The following C8B variants were observed in gnomAD, a reference collection of about 807,000 sequenced individuals.
The protein encoded by C8B is complement C8 beta chain, also known as complement component C8 beta chain.
Under a neutral mutation model 64.6 loss-of-function variants are expected in C8B, and 67 were observed. That is an observed-to-expected ratio of 1.04 (90% confidence interval 0.85 to 1.27). The LOEUF (loss-of-function observed/expected upper bound fraction) is 1.27. Among genes scored for constraint, C8B ranks in the 50% most tolerant of loss-of-function variants. The probability of loss-of-function intolerance (pLI) is 0.00; values close to 1 mark genes in which losing one functional copy is unlikely to be tolerated. For synonymous variants in C8B, 284 were observed against 257.7 expected (o/e 1.10, Z -0.98); for missense variants, 790 against 725.2 (o/e 1.09, Z -1.03).
In C8B at chr1:56,959,977, A is replaced by G. The variant is rs775430507; in HGVS notation, c.249+43T>C. The G allele has an allele frequency of 2.5e-6, 4 of 1,611,728 alleles. No individual in the cohort carries two copies. The Admixed American group carries it at 6.7e-5, about 27-fold the overall frequency. On this transcript the variant is annotated intron_variant, in intron 2 of 11. Coordinates refer to ENST00000371237, the MANE Select transcript of C8B (RefSeq NM_000066.4). ...GCTCAGCCGATCTTGCTGGGGACAA[A>G]GGCTCCTGGAAGCTTAGAGCTGTCC...
At position 56,960,180 on chromosome 1, in the gene C8B, A is replaced by T; in HGVS notation, c.93-4T>A. 1 of 1,614,004 alleles carries T rather than the reference A, an allele frequency of 6.2e-7. No homozygotes were observed. On this transcript the variant is annotated splice_region_variant and splice_polypyrimidine_tract_variant and intron_variant, in intron 1 of 11. Coordinates refer to ENST00000371237, the MANE Select transcript of C8B (RefSeq NM_000066.4). ...AAAGGAATGTGGCCTTTCACCTCTA[A>T]AAGTCATTATGAGAGAAGAGAGTCA... is the stretch of plus-strand genomic sequence containing the variant.
At chr1:56,947,717 GT>G in intron 6 of C8B, among the ~76,000 whole-genome samples, 1 of 152,152 alleles carries the variant, frequency 6.6e-6, no homozygotes, top group East Asian at 1.9e-4. Flanking sequence ...AGATCATGAG[GT>G]CAGTAGATCA....
At chr1:56,938,632 C>T (rs953480469) in intron 9 of C8B, among the ~76,000 whole-genome samples, 5 of 152,092 alleles carry the variant, frequency 3.3e-5, no homozygotes, top group South Asian at 2.1e-4. Context: ...TAAAGTTTAC[C>T]GCTAAACATT....
chr1:56,955,753 A>G (rs1645093753), intron 3 of C8B, among the ~76,000 whole-genome samples: 2 of 152,356 alleles, frequency 1.3e-5, no homozygotes, highest in Non-Finnish European at 2.9e-5. Context: ...TGCATTTGCA[A>G]TAACCCCTAG....
At chr1:56,939,126 T>G (rs764742301) in intron 9 of C8B, among the ~76,000 whole-genome samples, 1 of 152,144 alleles carries the variant, frequency 6.6e-6, no homozygotes, top group Non-Finnish European at 1.5e-5. Flanking sequence ...GGGAATTCAT[T>G]TGGTTCTCAG....
chr1:56,936,719 C>T (rs1196827550), intron 9 of C8B, among the ~76,000 whole-genome samples: 3 of 151,948 alleles, frequency 2.0e-5, no homozygotes, highest in East Asian at 1.9e-4. Context: ...CTCAGCCTCC[C>T]GAGTAGCTGG....
intron 4 of C8B, 82 bp from the exon 5 acceptor site, chr1:56,952,262 AC>A (rs1164231986): frequency 8.8e-6 from 14 of 1,587,006 alleles, no homozygotes; most frequent in African/African-American, 1.3e-5. Context: ...CTGAACGAAA[AC>A]AAAAACTCCT....
chr1:56,937,576 G>C (rs888025569), intron 9 of C8B, among the ~76,000 whole-genome samples: 1 of 152,092 alleles, frequency 6.6e-6, no homozygotes, highest in Non-Finnish European at 1.5e-5. Flanking sequence ...ATCCTGACTA[G>C]CATAGAAATG....
intron 4 of C8B, among the ~76,000 whole-genome samples, chr1:56,953,604 C>A (rs932924666): frequency 6.6e-6 from 1 of 152,178 alleles, no homozygotes; most frequent in Admixed American, 6.5e-5. Context: ...CACGAGCTGC[C>A]CAGCACCTCG....
At chr1:56,965,814 T>C (rs1286377466) in intron 1 of C8B, 43 bp downstream of exon 1, 1 of 1,606,974 alleles carries the variant, frequency 6.2e-7, no homozygotes, top group South Asian at 1.1e-5. Flanking sequence ...GCACCTTCCC[T>C]GTCATATTAT....
At chr1:56,958,731 A>T (rs534934371) in intron 2 of C8B, among the ~76,000 whole-genome samples, 1 of 152,288 alleles carries the variant, frequency 6.6e-6, no homozygotes, top group Non-Finnish European at 1.5e-5. Context: ...TATGGTGCAG[A>T]TGAAGCAATT....
chr1:56,954,972 T>C lies in C8B; in HGVS notation c.392-145A>G, dbSNP rs762751847. On this transcript the variant is annotated intron_variant, in intron 3 of 11. Coordinates refer to ENST00000371237, the MANE Select transcript of C8B (RefSeq NM_000066.4). Reference sequence around the variant, plus strand: ...ATTAGTCATCCTGTATCCAGATAGATTGGTTATGGCACTAACAGTTTATTC... The same window carrying C: ...ATTAGTCATCCTGTATCCAGATAGACTGGTTATGGCACTAACAGTTTATTC... 4 of 932,892 alleles carry C rather than the reference T, an allele frequency of 4.3e-6. No homozygotes were observed. In the African/African-American group the frequency reaches 6.5e-5, roughly 15 times the overall value. 57.8% of individuals were successfully genotyped at this position (932,892 alleles called of 1,614,324 possible).
intron 2 of C8B, 81 bp downstream of exon 2, chr1:56,959,939 A>G (rs1414186956): frequency 4.1e-6 from 6 of 1,478,512 alleles, no homozygotes; most frequent in Non-Finnish European, 5.7e-6. Context: ...TGTGCCAGGC[A>G]CTGTTAGCAA....
chr1:56,949,567 T>C lies in C8B; in HGVS notation c.852A>G (p.Arg284=). ...AAGACATACTTACAGTATGAGAGAA[T>C]CGTTTGGTTCTCCTAATATAGTGTT... ...RGKHYIRRTK[R]FSHTKSVFLH... is the part of the protein sequence containing the mutation. The change falls in exon 6 of 12, where the codon CGA becomes CGG. Residue 284 remains arginine, a synonymous_variant. Coordinates refer to ENST00000371237, the MANE Select transcript of C8B (RefSeq NM_000066.4). 2 of 1,613,134 alleles carry C rather than the reference T, an allele frequency of 1.2e-6. No homozygotes were observed. Among genetic ancestry groups the C allele is most frequent in the Non-Finnish European group, 8.5e-7 (1 of 1,179,174 alleles).
At position 56,943,729 on chromosome 1, in the gene C8B, C is replaced by T. The variant is rs757561736; in HGVS notation, c.1201G>A (p.Gly401Ser). Residue 401 changes from glycine (G) to serine (S), a missense_variant, in exon 8 of 12, where the codon GGC (glycine) becomes AGC (serine). Gly to Ser is a moderately conservative substitution (Grantham distance 56). Transcript: ENST00000371237. ...TCATTCAGAATACCTCTGCATTTGC[C>T]TACAGACACACCCAGACTGACGTAG... ...EVYVSLGVSVGKCRGILNEIK... is the reference protein window; with the variant it reads ...EVYVSLGVSVSKCRGILNEIK... The T allele has an allele frequency of 1.2e-6, 2 of 1,614,144 alleles. No homozygotes were observed. The highest frequency in any genetic ancestry group is 1.1e-5 in the South Asian group (1 of 91,078).
chr1:56,941,501 GATAGAT>G (rs1553180466), intron 8 of C8B, among the ~76,000 whole-genome samples: 2 of 33,548 alleles, frequency 6.0e-5, no homozygotes, highest in Non-Finnish European at 1.4e-4. Context: ...ATAGTAGATA[GATAGAT>G]ACATAGATAG....
At chr1:56,934,573 G>T (rs931461832) in intron 9 of C8B, among the ~76,000 whole-genome samples, 1 of 152,172 alleles carries the variant, frequency 6.6e-6, no homozygotes. Context: ...TCCTGCCCTG[G>T]AGAGTTTAGG....
At position 56,931,805 on chromosome 1, in the gene C8B, C is replaced by G; in HGVS notation, c.1621+5G>C. 2 of 1,601,926 alleles carry G rather than the reference C, an allele frequency of 1.2e-6. No homozygotes were observed. The highest frequency in any genetic ancestry group is 1.7e-6 in the Non-Finnish European group (2 of 1,170,326). ...TCCCCAGAGTTCCTTTTCCAATTAA[C>G]TTACTCTTCCGATAGGAGACCTCAC... On this transcript the variant is annotated splice_donor_5th_base_variant and intron_variant, in intron 11 of 11. Coordinates refer to ENST00000371237, the MANE Select transcript of C8B (RefSeq NM_000066.4).
In C8B at chr1:56,933,254, C is replaced by T. The variant is rs1644727782; in HGVS notation, c.1552+81G>A. On this transcript the variant is annotated intron_variant, in intron 10 of 11. Coordinates refer to ENST00000371237, the MANE Select transcript of C8B (RefSeq NM_000066.4). ...GACTAAATTCTGACTTCTCAGTAAACAGAAGCAGGCAAATGGCTGGCCCCC... is the reference window on the plus strand; with the variant it reads ...GACTAAATTCTGACTTCTCAGTAAATAGAAGCAGGCAAATGGCTGGCCCCC... The T allele has an allele frequency of 1.8e-5, 21 of 1,196,034 alleles. No homozygotes were observed. The South Asian group carries it at 2.4e-4, about 14-fold the overall frequency. The allele number at this position is 1,196,034 out of a possible 1,614,324, so 74.1% of individuals were successfully genotyped here. A position where few individuals can be genotyped will look rare whatever the true frequency, so the allele number is the denominator to read the frequency against.
Sources: allele counts gnomAD v4.1 joint callset (sites outside exome capture counted in the v4.1 genomes callset), GRCh38; gene constraint gnomAD v4.1.1; transcripts MANE v1.5; gene names NCBI Gene and HGNC (gene_info 2026-07-23, HGNC 2026-07-21).